The following RYR2 variants were observed in gnomAD, a reference collection of about 807,000 sequenced individuals.
RYR2 encodes ryanodine receptor 2, also known as cardiac muscle ryanodine receptor-calcium release channel.
In RYR2, 227 loss-of-function variants were observed where a neutral mutation model predicts 601.1. The observed-to-expected ratio is 0.38, with a 90% confidence interval of 0.34 to 0.42. The LOEUF (loss-of-function observed/expected upper bound fraction) is 0.42, where lower values mean the gene tolerates loss of function less well. RYR2 is among the 10% of genes least tolerant of loss of function. The pLI, the probability that RYR2 is intolerant of heterozygous loss-of-function variation, is 1.00. For synonymous variants in RYR2, 2,223 were observed against 2,175.1 expected (o/e 1.02, Z -0.61); for missense variants, 4,646 against 6,156.5 (o/e 0.75, Z 8.21).
intron 88 of RYR2, among the ~76,000 whole-genome samples, chr1:237,780,473 A>G (rs1695007090): frequency 6.6e-6 from 1 of 152,036 alleles, no homozygotes; most frequent in Admixed American, 6.5e-5. Flanking sequence ...TCTTCCCAAC[A>G]CTGTATAGCT....
intron 86 of RYR2, among the ~76,000 whole-genome samples, 164 bp from the exon 87 acceptor site, chr1:237,773,356 G>A (rs1360198896): frequency 6.6e-6 from 1 of 152,146 alleles, no homozygotes; most frequent in Non-Finnish European, 1.5e-5. Context: ...CATATTGTAT[G>A]TTTAGGAAAT....
intron 1 of RYR2, among the ~76,000 whole-genome samples, chr1:237,110,691 A>T (rs1264726175): frequency 6.6e-6 from 1 of 152,168 alleles, no homozygotes; most frequent in African/African-American, 2.4e-5. Flanking sequence ...GCTATCTTCC[A>T]GGTAGGCACT....
chr1:237,826,189 C>T (rs1228132739), intron 101 of RYR2, among the ~76,000 whole-genome samples: 1 of 152,148 alleles, frequency 6.6e-6, no homozygotes, highest in Non-Finnish European at 1.5e-5. Context: ...AATTATAAAT[C>T]ATTCTACTAT....
chr1:237,245,789 T>C (rs1051492569), intron 1 of RYR2, among the ~76,000 whole-genome samples: 4 of 152,212 alleles, frequency 2.6e-5, no homozygotes, highest in Admixed American at 2.6e-4. Flanking sequence ...GTTTTTTCTT[T>C]TTATTTTTTT....
chr1:237,571,580 G>T (rs146094297), intron 29 of RYR2, among the ~76,000 whole-genome samples: 1,604 of 152,176 alleles, frequency 0.011, 34 homozygotes, highest in African/African-American at 0.036. Context: ...CTCCCAAAGT[G>T]CTGGGAATAT....
intron 41 of RYR2, among the ~76,000 whole-genome samples, chr1:237,630,115 T>C (rs1392366622): frequency 2.3e-4 from 35 of 152,124 alleles, no homozygotes; most frequent in Admixed American, 2.3e-3. Flanking sequence ...ACAACAGTAA[T>C]ATGTGCCATT....
At chr1:237,238,286 C>T (rs956441835) in intron 1 of RYR2, among the ~76,000 whole-genome samples, 2 of 152,166 alleles carry the variant, frequency 1.3e-5, no homozygotes, top group Admixed American at 1.3e-4. Flanking sequence ...CTCTTTCAAT[C>T]AGAAAAATCT....
intron 27 of RYR2, among the ~76,000 whole-genome samples, chr1:237,562,537 C>G (rs922703065): frequency 6.6e-6 from 1 of 152,122 alleles, no homozygotes; most frequent in African/African-American, 2.4e-5. Flanking sequence ...ACGGGGAGCA[C>G]AGTCTTTGCT....
At chr1:237,351,362 A>G (rs1045113741) in intron 3 of RYR2, among the ~76,000 whole-genome samples, 2 of 152,262 alleles carry the variant, frequency 1.3e-5, no homozygotes, top group East Asian at 3.9e-4. Context: ...TTATGTAGAA[A>G]GCAGAATTTA....
At chr1:237,278,245 ATTTTTTTT>A (rs71561863) in intron 2 of RYR2, among the ~76,000 whole-genome samples, 77 of 67,024 alleles carry the variant, frequency 1.1e-3, no homozygotes, top group African/African-American at 3.0e-3. Context: ...TAATTTTTGT[ATTTTTTTT>A]TTTTTTTTTT....
Position 237,660,886 on chromosome 1 carries a change from C to A in RYR2, c.8375C>A (p.Thr2792Asn), listed in dbSNP as rs1683718769. The change falls in exon 56 of 105, where the codon ACT becomes AAT. Residue 2792 changes from threonine (T) to asparagine (N), a missense_variant. Thr to Asn is a moderately conservative substitution (Grantham distance 65). Around this residue, in one of 17 missense-constraint regions of RYR2, gnomAD observed 1,497 missense variants for 1,842.6 expected, o/e 0.81. Coordinates refer to ENST00000366574, the MANE Select transcript of RYR2 (RefSeq NM_001035.3). ...MLAWGWRIERTREGDSMALYN... is the reference protein window; with the variant it reads ...MLAWGWRIERNREGDSMALYN... Reference sequence around the variant, plus strand: ...GCTTGGGGCTGGAGAATTGAAAGAACTCGGGAGGGAGACAGCATGGCCCTT... The same window carrying A: ...GCTTGGGGCTGGAGAATTGAAAGAAATCGGGAGGGAGACAGCATGGCCCTT... The A allele has an allele frequency of 6.5e-7, 1 of 1,538,316 alleles. No individual in the cohort carries two copies. Among genetic ancestry groups the A allele is most frequent in the Admixed American group, 2.0e-5 (1 of 50,368 alleles).
At chr1:237,449,428 G>A (rs575561220) in intron 14 of RYR2, among the ~76,000 whole-genome samples, 45 of 151,932 alleles carry the variant, frequency 3.0e-4, no homozygotes, top group African/African-American at 7.5e-4. Flanking sequence ...CCCAGTTTTC[G>A]CACTTTGTCA....
At position 237,124,766 on chromosome 1, in the gene RYR2, C is replaced by CT. The variant is rs1324485521; in HGVS notation, c.48+82197_48+82198insT. Reference sequence around the variant, plus strand: ...AGGGTCTAGAAATTATGATGTGGGCCCTTTTTTTTGGTGGGGGGCGCGGGG... The same window carrying CT: ...AGGGTCTAGAAATTATGATGTGGGCCTCTTTTTTTTGGTGGGGGGCGCGGGG... On this transcript the variant is annotated intron_variant, in intron 1 of 104. Coordinates refer to ENST00000366574, the MANE Select transcript of RYR2 (RefSeq NM_001035.3). Among the ~76,000 whole-genome samples, 41 of 151,426 alleles carry CT rather than the reference C, an allele frequency of 2.7e-4. 1 individual carries two copies. The highest frequency in any genetic ancestry group is 5.3e-4 in the Admixed American group (8 of 15,210).
intron 7 of RYR2, 71 bp from the exon 8 acceptor site, chr1:237,377,252 A>T: frequency 9.1e-7 from 1 of 1,096,692 alleles, no homozygotes; most frequent in Non-Finnish European, 1.3e-6. Flanking sequence ...TGTGTTGGGA[A>T]TCATTGGCAA....
intron 40 of RYR2, among the ~76,000 whole-genome samples, chr1:237,626,411 T>C (rs915585646): frequency 6.6e-6 from 1 of 151,690 alleles, no homozygotes; most frequent in African/African-American, 2.4e-5. Flanking sequence ...TAAAAAAAAA[T>C]AAACTTACGA....
chr1:237,419,839 TA>T (rs1194776030), intron 11 of RYR2, among the ~76,000 whole-genome samples: 5 of 152,062 alleles, frequency 3.3e-5, no homozygotes, highest in African/African-American at 4.8e-5. Context: ...TAGGAGCTTT[TA>T]TTTTTTTAAT....
intron 8 of RYR2, among the ~76,000 whole-genome samples, chr1:237,382,611 G>A (rs1572069402): frequency 6.9e-6 from 1 of 145,006 alleles, no homozygotes; most frequent in South Asian, 2.1e-4. Context: ...CCACCTATGA[G>A]TGAGAACATT....
At position 237,562,414 on chromosome 1, in the gene RYR2, C is replaced by G. The variant is rs554367233; in HGVS notation, c.3215-4153C>G. Among the ~76,000 whole-genome samples the G allele has an allele frequency of 1.2e-3, 187 of 152,170 alleles. 8 individuals are homozygous for G. In the South Asian group the frequency reaches 0.037, roughly 30 times the overall value. On this transcript the variant is annotated intron_variant, in intron 27 of 104. Transcript: ENST00000366574. ...AATGTATAGTTAGATCTTGACTGCC[C>G]TCTAGTGGCATATATTTTCTTAGCT...
chr1:237,614,067 C>G lies in RYR2; in HGVS notation c.4939C>G (p.Gln1647Glu). Reference sequence around the variant, plus strand: ...TGTTGACATCTTAGAGTTGACAGAGCAGGAGGAATTGCTGAAATTTCACTA... The same window carrying G: ...TGTTGACATCTTAGAGTTGACAGAGGAGGAGGAATTGCTGAAATTTCACTA... ...RSVDILELTE[Q>E]EELLKFHYHT... Residue 1647 changes from glutamine to glutamate, a missense_variant, in exon 37 of 105, where the codon CAG becomes GAG. By Grantham distance (29) the Gln-to-Glu change is conservative (BLOSUM62 2). This residue lies in a region of RYR2 where 1,807 missense variants were observed against 2,088.1 expected (regional missense o/e 0.87). Coordinates refer to ENST00000366574, the MANE Select transcript of RYR2 (RefSeq NM_001035.3). This position sits in a 1 kb window ranked among gnomAD's most constrained non-coding sequence, Gnocchi z 4.3. The G allele has an allele frequency of 6.2e-7, 1 of 1,613,768 alleles. No individual in the cohort carries two copies. The highest frequency in any genetic ancestry group is 8.5e-7 in the Non-Finnish European group (1 of 1,179,732).
Sources: allele counts gnomAD v4.1 joint callset (sites outside exome capture counted in the v4.1 genomes callset), GRCh38; gene constraint gnomAD v4.1.1; regional missense constraint gnomAD v4.1.1; non-coding constraint Gnocchi (gnomAD v3.1); transcripts MANE v1.5; gene names NCBI Gene and HGNC (gene_info 2026-07-23, HGNC 2026-07-21).